Variants in DZANK1 observed in about 807,000 individuals in gnomAD.
DZANK1 encodes the protein double zinc ribbon and ankyrin repeat domains 1, also known as double zinc ribbon and ankyrin repeat-containing protein 1.
A neutral mutation model predicts 94.5 loss-of-function variants in DZANK1; 91 were observed. The observed-to-expected ratio is 0.96, with a 90% CI of 0.81 to 1.15. DZANK1 has a LOEUF of 1.15. Among genes scored for constraint, DZANK1 ranks in the 50% most tolerant of loss-of-function variants. DZANK1 has a pLI of 0.00. For missense variants in DZANK1, 903 were observed against 916.4 expected (o/e 0.99, Z 0.19); for synonymous variants, 312 against 325.3 (o/e 0.96, Z 0.44).
intron 4 of DZANK1, among the ~76,000 whole-genome samples, chr20:18,455,001 G>C (rs369825728): frequency 6.6e-6 from 1 of 152,196 alleles, no homozygotes; most frequent in African/African-American, 2.4e-5. Flanking sequence ...AGGTAAGAGA[G>C]AGCCACTGAA....
intron 10 of DZANK1, among the ~76,000 whole-genome samples, chr20:18,422,871 T>G (rs1223426512): frequency 6.6e-6 from 1 of 151,584 alleles, no homozygotes; most frequent in African/African-American, 2.4e-5. Flanking sequence ...ATTTTAAGAT[T>G]TTTTTCTATT....
At chr20:18,460,789 G>A (rs2059448330) in intron 2 of DZANK1, among the ~76,000 whole-genome samples, 1 of 151,996 alleles carries the variant, frequency 6.6e-6, no homozygotes, top group African/African-American at 2.4e-5. Context: ...CTGATCTATA[G>A]GTTATTATAT....
chr20:18,419,517 G>C (rs538707194), intron 10 of DZANK1, among the ~76,000 whole-genome samples: 1 of 152,120 alleles, frequency 6.6e-6, no homozygotes, highest in African/African-American at 2.4e-5. Context: ...CAACAATAAA[G>C]AGCAAATCTT....
chr20:18,465,315 C>T lies in DZANK1; in HGVS notation c.44G>A (p.Arg15Gln), dbSNP rs746085289. 1.6e-5 allele frequency: 26 copies of T among 1,611,622 alleles called. No homozygotes were observed. In the East Asian group the frequency reaches 3.8e-4, roughly 24 times the overall value. ...GTTAGCTTTTCCAGGCTGAGGCACT[C>T]GTAATGGTATGATCTGAGGGACACA... Residue 15 changes from arginine to glutamine, a missense_variant, in exon 2 of 21, where the codon CGA (arginine) becomes CAA (glutamine). By Grantham distance (43) the Arg-to-Gln change is conservative. Coordinates refer to ENST00000262547, the Ensembl canonical transcript of DZANK1.
chr20:18,385,103 G>GA lies in DZANK1; in HGVS notation c.2019-14dup, dbSNP rs1419279704. 5.8e-6 allele frequency: 9 copies of GA among 1,551,672 alleles called. No homozygotes were observed. Among genetic ancestry groups the GA allele is most frequent in the Non-Finnish European group, 7.0e-6 (8 of 1,146,992 alleles). The stretch of plus-strand genomic sequence containing the variant: ...TGTATTTCTGAGCCTAATGAGGGGG[G>GA]AAAAATCCTGGATAAATCCTTAGTT... On this transcript the variant is annotated splice_polypyrimidine_tract_variant and intron_variant, in intron 19 of 20. Coordinates refer to ENST00000262547, the Ensembl canonical transcript of DZANK1.
intron 4 of DZANK1, 34 bp downstream of exon 4, chr20:18,455,213 G>A (rs2059242095): frequency 6.6e-7 from 1 of 1,517,712 alleles, no homozygotes; most frequent in African/African-American, 1.4e-5. Context: ...AAAATACAGT[G>A]ACAATCTGAA....
chr20:18,452,825 T>A, intron 5 of DZANK1, 86 bp from the exon 6 acceptor site: 1 of 1,360,974 alleles, frequency 7.3e-7, no homozygotes, highest in Non-Finnish European at 9.8e-7. Context: ...GGAGACCTTT[T>A]AATAAAGAAC....
exon 21 of DZANK1, chr20:18,383,563 A>T (rs776901748): frequency 6.6e-6 from 1 of 152,224 alleles, no homozygotes; most frequent in Non-Finnish European, 1.5e-5. Context: ...GTTTGCTACC[A>T]TTTGTTTTAA....
At chr20:18,403,639 A>G (rs1047003452) in intron 13 of DZANK1, among the ~76,000 whole-genome samples, 1 of 152,196 alleles carries the variant, frequency 6.6e-6, no homozygotes, top group Non-Finnish European at 1.5e-5. Flanking sequence ...TAAACAGCTA[A>G]GAAGAGCCCT....
rs551013020 is a variant in DZANK1 at position 18,396,873 on chromosome 20, A to T, written c.1537-327T>A. ...AGATGCACTTTAATCAAACTACATG[A>T]CTAGATGTTATCACCTTGGAAAAGA... On this transcript the variant is annotated intron_variant, in intron 14 of 20. Transcript: ENST00000262547. Among the ~76,000 whole-genome samples, 8 of 152,324 alleles carry T rather than the reference A, an allele frequency of 5.3e-5. No individual in the cohort carries two copies. The East Asian group carries it at 1.5e-3, about 29-fold the overall frequency.
At chr20:18,394,123 A>G in intron 16 of DZANK1, 131 bp downstream of exon 16, 2 of 790,726 alleles carry the variant, frequency 2.5e-6, no homozygotes, top group Non-Finnish European at 4.0e-6. Context: ...AGCCAGAGAA[A>G]TAAAACGTCT....
At chr20:18,409,270 T>C (rs1335170697) in intron 13 of DZANK1, among the ~76,000 whole-genome samples, 2 of 152,016 alleles carry the variant, frequency 1.3e-5, no homozygotes, top group Middle Eastern at 3.2e-3. Context: ...TGAAAGAATA[T>C]GACAAGAAGA....
At chr20:18,387,320 T>C (rs186951229) in intron 19 of DZANK1, among the ~76,000 whole-genome samples, 1 of 152,334 alleles carries the variant, frequency 6.6e-6, no homozygotes, top group Non-Finnish European at 1.5e-5. Context: ...ACAGTTCAGT[T>C]TTGGAAAATG....
chr20:18,466,424 C>A (rs940724663), intron 1 of DZANK1, among the ~76,000 whole-genome samples: 1 of 152,084 alleles, frequency 6.6e-6, no homozygotes, highest in Non-Finnish European at 1.5e-5. Flanking sequence ...AATGGGGTAC[C>A]TAAATTTAAG....
chr20:18,396,510 C>T, exon 15 of DZANK1: 5 of 1,613,606 alleles, frequency 3.1e-6, no homozygotes, highest in Non-Finnish European at 4.2e-6. Context: ...CTGATGCTAA[C>T]TTCACAACCA....
Position 18,400,893 on chromosome 20 carries a change from G to A in DZANK1, c.1433-2267C>T, listed in dbSNP as rs190675834. Among the ~76,000 whole-genome samples the A allele has an allele frequency of 3.9e-5, 6 of 152,226 alleles. No homozygotes were observed. The East Asian group carries it at 9.6e-4, about 24-fold the overall frequency. ...TAAATAAATACGTATGTAGGAGTAT[G>A]TTTAAAATGAGGTTCTGACTGAGAA... On this transcript the variant is annotated intron_variant, in intron 13 of 20. Transcript: ENST00000262547.
At chr20:18,393,686 A>C in intron 17 of DZANK1, 25 bp downstream of exon 17, 1 of 1,486,506 alleles carries the variant, frequency 6.7e-7, no homozygotes, top group South Asian at 1.2e-5. Context: ...GACAACATCC[A>C]CAAGGACCAA....
chr20:18,402,060 A>C (rs1008733636), intron 13 of DZANK1, among the ~76,000 whole-genome samples: 1 of 152,172 alleles, frequency 6.6e-6, no homozygotes, highest in South Asian at 2.1e-4. Context: ...GGACATCCAG[A>C]GGGCAAAGAA....
chr20:18,452,328 T>C (rs1488700414), intron 6 of DZANK1, among the ~76,000 whole-genome samples: 1 of 152,194 alleles, frequency 6.6e-6, no homozygotes, highest in Non-Finnish European at 1.5e-5. Flanking sequence ...GGATCGCCTC[T>C]GAGAACCACT....
Sources: gnomAD v4.1 joint callset for allele counts (sites outside exome capture counted in the v4.1 genomes callset) on GRCh38, gnomAD v4.1.1 for gene constraint, MANE v1.5 for transcripts, NCBI Gene and HGNC (gene_info 2026-07-23, HGNC 2026-07-21) for gene names.